The following RBFOX1 variants were observed in gnomAD, a reference collection of about 807,000 sequenced individuals.
The protein encoded by RBFOX1 is RNA binding fox-1 homolog 1.
Under a neutral mutation model 57.7 loss-of-function variants are expected in RBFOX1, and 8 were observed. The observed-to-expected ratio is 0.14, with a 90% confidence interval of 0.08 to 0.25. RBFOX1 has a LOEUF of 0.25. RBFOX1 is among the 10% of genes least tolerant of loss of function. The probability of loss-of-function intolerance (pLI) is 1.00; values close to 1 mark genes in which losing one functional copy is unlikely to be tolerated. For synonymous variants in RBFOX1, 326 were observed against 222.4 expected, an observed-to-expected ratio of 1.47 and a Z score of -4.15; for missense variants, 611 against 548.5, an observed-to-expected ratio of 1.11 and a Z score of -1.14.
intron 3 of RBFOX1, among the ~76,000 whole-genome samples, chr16:6,993,868 C>T (rs948592024): frequency 3.9e-5 from 6 of 152,104 alleles, no homozygotes; most frequent in East Asian, 1.9e-4. Flanking sequence ...CACCTCTTCC[C>T]CGAACGTCTC....
chr16:6,547,372 G>A (rs1031951489), intron 2 of RBFOX1, among the ~76,000 whole-genome samples: 3 of 152,090 alleles, frequency 2.0e-5, no homozygotes, highest in East Asian at 1.9e-4. Flanking sequence ...CCTTCCTGAG[G>A]ATAATTAACT....
At chr16:6,624,799 T>C (rs1006323861) in intron 2 of RBFOX1, among the ~76,000 whole-genome samples, 3 of 152,164 alleles carry the variant, frequency 2.0e-5, no homozygotes, top group Non-Finnish European at 4.4e-5. Flanking sequence ...ATTTTTTCAT[T>C]TTTTCAGTGA....
Position 6,782,730 on chromosome 16 carries a change from G to A in RBFOX1, c.-16+128080G>A, listed in dbSNP as rs147753842. On this transcript the variant is annotated intron_variant, in intron 3 of 15. Transcript: ENST00000550418. Reference sequence around the variant, plus strand: ...CTATCGAATGAAATGTTTTGTAAATGTCTATTGATCAATTTGTTCTGTAGC... The same window carrying A: ...CTATCGAATGAAATGTTTTGTAAATATCTATTGATCAATTTGTTCTGTAGC... Among the ~76,000 whole-genome samples the A allele has an allele frequency of 2.1e-3, 325 of 152,270 alleles. 2 individuals are homozygous for A. Among genetic ancestry groups the A allele is most frequent in the East Asian group, 0.021 (109 of 5,180 alleles).
intron 2 of RBFOX1, among the ~76,000 whole-genome samples, chr16:5,493,958 A>G (rs2042917582): frequency 6.6e-6 from 1 of 152,228 alleles, no homozygotes; most frequent in Admixed American, 6.5e-5. Context: ...GAAAAAGGAT[A>G]GAAAATAAAG....
chr16:5,908,095 T>TAC (rs1406586963), intron 4 of RBFOX1, among the ~76,000 whole-genome samples: 4 of 139,888 alleles, frequency 2.9e-5, no homozygotes, highest in African/African-American at 9.0e-5. Context: ...TACACATATA[T>TAC]ACACATATAT....
chr16:7,600,514 C>T (rs779783175), intron 9 of RBFOX1, among the ~76,000 whole-genome samples: 2 of 152,024 alleles, frequency 1.3e-5, no homozygotes, highest in African/African-American at 2.4e-5. Flanking sequence ...GAGGGTAAGT[C>T]GGGACCAATA....
intron 4 of RBFOX1, among the ~76,000 whole-genome samples, chr16:7,181,171 T>C (rs921706479): frequency 5.9e-5 from 9 of 152,076 alleles, no homozygotes. Flanking sequence ...GCCTTGTGGT[T>C]CAAAGACTTC....
intron 3 of RBFOX1, among the ~76,000 whole-genome samples, chr16:5,840,282 A>G (rs563506027): frequency 5.8e-4 from 89 of 152,264 alleles, no homozygotes; most frequent in South Asian, 4.6e-3. Flanking sequence ...CCTTGGTTGA[A>G]CCAGAGGCAG....
At chr16:5,297,572 C>G (rs1332838153) in intron 1 of RBFOX1, among the ~76,000 whole-genome samples, 2 of 152,090 alleles carry the variant, frequency 1.3e-5, no homozygotes, top group Admixed American at 6.6e-5. Flanking sequence ...ATCTTTTGCT[C>G]ATTTTTTGAG....
chr16:6,489,273 C>G (rs1222229901), intron 2 of RBFOX1, among the ~76,000 whole-genome samples: 2 of 152,156 alleles, frequency 1.3e-5, no homozygotes, highest in African/African-American at 2.4e-5. Flanking sequence ...CCTCAGTATT[C>G]AAATGGCATT....
At chr16:6,992,033 A>C (rs2091553982) in intron 3 of RBFOX1, among the ~76,000 whole-genome samples, 1 of 152,190 alleles carries the variant, frequency 6.6e-6, no homozygotes, top group African/African-American at 2.4e-5. Context: ...AACTATTGTC[A>C]GAGTGTGGTC....
intron 3 of RBFOX1, among the ~76,000 whole-genome samples, chr16:6,868,886 A>G (rs1022443444): frequency 2.0e-5 from 3 of 152,202 alleles, no homozygotes; most frequent in Non-Finnish European, 2.9e-5. Flanking sequence ...TGACTTTCTC[A>G]TAGGTGGATG....
chr16:6,262,101 G>T (rs902992552), intron 1 of RBFOX1, among the ~76,000 whole-genome samples: 3 of 152,140 alleles, frequency 2.0e-5, no homozygotes, highest in African/African-American at 7.2e-5. Context: ...AGATGACAAA[G>T]ACAGAGGTGC....
At chr16:6,857,203 T>TC (rs2058069322) in intron 3 of RBFOX1, among the ~76,000 whole-genome samples, 1 of 152,190 alleles carries the variant, frequency 6.6e-6, no homozygotes, top group Non-Finnish European at 1.5e-5. Context: ...GGACTTTGGC[T>TC]CTCTCTACGC....
intron 3 of RBFOX1, among the ~76,000 whole-genome samples, chr16:6,758,919 G>T (rs901306946): frequency 2.6e-5 from 4 of 152,088 alleles, no homozygotes; most frequent in African/African-American, 9.7e-5. Context: ...AGGGAGTCGG[G>T]GGGGAAAGAG....
chr16:5,421,121 C>G (rs1215974437), intron 1 of RBFOX1, among the ~76,000 whole-genome samples: 5 of 151,706 alleles, frequency 3.3e-5, no homozygotes, highest in Non-Finnish European at 7.4e-5. Context: ...ATTCTCTCAC[C>G]TTAGCCTCGA....
chr16:5,411,799 C>T (rs2067029066), intron 1 of RBFOX1, among the ~76,000 whole-genome samples: 1 of 152,004 alleles, frequency 6.6e-6, no homozygotes, highest in African/African-American at 2.4e-5. Context: ...GGGAGGATTG[C>T]TTGAGCCTGG....
intron 1 of RBFOX1, among the ~76,000 whole-genome samples, chr16:6,204,886 G>A (rs1175539505): frequency 6.6e-6 from 1 of 152,126 alleles, no homozygotes; most frequent in Admixed American, 6.5e-5. Flanking sequence ...AAAGAAAAAT[G>A]CATAAATGCA....
intron 2 of RBFOX1, among the ~76,000 whole-genome samples, chr16:6,470,454 A>G (rs1216643006): frequency 6.6e-6 from 1 of 152,240 alleles, no homozygotes; most frequent in Non-Finnish European, 1.5e-5. Context: ...TAGCAACTGC[A>G]TTCTCCTATG....
Sources: allele counts gnomAD v4.1 joint callset (sites outside exome capture counted in the v4.1 genomes callset), GRCh38; gene constraint gnomAD v4.1.1; transcripts MANE v1.5; gene names NCBI Gene and HGNC (gene_info 2026-07-23, HGNC 2026-07-21).